Variants in GALNT1 observed in about 807,000 individuals in gnomAD.
The protein encoded by GALNT1 is polypeptide N-acetylgalactosaminyltransferase 1.
In GALNT1, 17 loss-of-function variants were observed where a neutral mutation model predicts 65.7. The ratio of observed to expected loss-of-function variants is 0.26; its 90% confidence interval spans 0.18 to 0.39. The LOEUF (loss-of-function observed/expected upper bound fraction) is 0.39. Among genes scored for constraint, GALNT1 ranks in the 10% least tolerant of loss-of-function variants. GALNT1 has a pLI of 1.00. For synonymous variants in GALNT1, 210 were observed against 219.7 expected (o/e 0.96, Z 0.39); for missense variants, 460 against 672.8 (o/e 0.68, Z 3.50).
chr18:35,591,262 G>A (rs1433594066), intron 1 of GALNT1, among the ~76,000 whole-genome samples: 2 of 152,194 alleles, frequency 1.3e-5, no homozygotes, highest in Non-Finnish European at 2.9e-5. Flanking sequence ...ATGCAACACT[G>A]GCAGCTTATC....
chr18:35,600,018 T>G (rs1330491798), intron 1 of GALNT1, among the ~76,000 whole-genome samples: 1 of 152,216 alleles, frequency 6.6e-6, no homozygotes, highest in Non-Finnish European at 1.5e-5. Context: ...GGGTCTTTTG[T>G]GGTTCCAATT....
At chr18:35,598,265 C>G (rs879916582) in intron 1 of GALNT1, among the ~76,000 whole-genome samples, 9 of 151,922 alleles carry the variant, frequency 5.9e-5, no homozygotes, top group Non-Finnish European at 8.8e-5. Flanking sequence ...GAACTCCTGA[C>G]CTCAGGTGAT....
At chr18:35,652,461 G>A (rs913922577) in intron 1 of GALNT1, among the ~76,000 whole-genome samples, 2 of 151,886 alleles carry the variant, frequency 1.3e-5, no homozygotes, top group African/African-American at 2.4e-5. Flanking sequence ...CGGCCACATC[G>A]TCCCCTCTGC....
chr18:35,649,832 C>T (rs1158035503), intron 1 of GALNT1, among the ~76,000 whole-genome samples: 1 of 152,098 alleles, frequency 6.6e-6, no homozygotes, highest in Non-Finnish European at 1.5e-5. Context: ...TGTTATTTCT[C>T]CATAACAATG....
At chr18:35,615,078 G>T (rs1321919298) in intron 1 of GALNT1, among the ~76,000 whole-genome samples, 1 of 152,036 alleles carries the variant, frequency 6.6e-6, no homozygotes, top group Admixed American at 6.6e-5. Context: ...AGCAGGGTAT[G>T]GTTTTGTTTG....
At chr18:35,629,030 AGAAAT>A (rs1425403469) in intron 1 of GALNT1, among the ~76,000 whole-genome samples, 5 of 152,244 alleles carry the variant, frequency 3.3e-5, no homozygotes, top group South Asian at 2.1e-4. Flanking sequence ...AAGAATAAAA[AGAAAT>A]GAACAAAGCC....
chr18:35,581,562 C>A (rs573500989), upstream of GALNT1, among the ~76,000 whole-genome samples: 1 of 56 alleles, frequency 0.018, no homozygotes, highest in Admixed American at 0.083. Context: ...CGCCGCGCGA[C>A]GAGCCCCAAG....
chr18:35,656,703 T>C (rs1244476554), intron 2 of GALNT1, among the ~76,000 whole-genome samples: 5 of 152,210 alleles, frequency 3.3e-5, no homozygotes, highest in Non-Finnish European at 5.9e-5. Context: ...GGCATGGCGC[T>C]GAAGCACTTT....
At chr18:35,683,658 G>C (rs1451065893) in intron 5 of GALNT1, 60 bp downstream of exon 5, 1 of 1,271,844 alleles carries the variant, frequency 7.9e-7, no homozygotes. Flanking sequence ...TATATGGTGA[G>C]TTGCCAAATT....
At chr18:35,622,370 A>G (rs1044903630) in intron 1 of GALNT1, among the ~76,000 whole-genome samples, 14 of 151,826 alleles carry the variant, frequency 9.2e-5, no homozygotes, top group Middle Eastern at 3.4e-3. Flanking sequence ...TCTCACCTCA[A>G]CCTCCCAAGT....
chr18:35,667,222 T>C (rs1221024338), intron 3 of GALNT1, among the ~76,000 whole-genome samples: 3 of 152,214 alleles, frequency 2.0e-5, no homozygotes, highest in African/African-American at 7.2e-5. Context: ...TTCAATATTA[T>C]GTTATCAAAT....
chr18:35,621,489 G>A (rs1409942605), intron 1 of GALNT1, among the ~76,000 whole-genome samples: 1 of 148,346 alleles, frequency 6.7e-6, no homozygotes, highest in Non-Finnish European at 1.5e-5. Flanking sequence ...ACCGCAATTG[G>A]TCTGTTGTTT....
chr18:35,665,440 A>G (rs1161963972), intron 3 of GALNT1, among the ~76,000 whole-genome samples: 3 of 152,192 alleles, frequency 2.0e-5, no homozygotes, highest in Non-Finnish European at 4.4e-5. Context: ...AAAATAGGGA[A>G]GAGAAAATTT....
chr18:35,691,676 CGT>C (rs1379941514), intron 8 of GALNT1, among the ~76,000 whole-genome samples: 1 of 152,184 alleles, frequency 6.6e-6, no homozygotes, highest in East Asian at 1.9e-4. Flanking sequence ...GAGCCCAAAA[CGT>C]GCCACAGGGC....
At chr18:35,636,783 GT>G (rs58909585) in intron 1 of GALNT1, among the ~76,000 whole-genome samples, 9,494 of 64,164 alleles carry the variant, frequency 0.15, 325 homozygotes, top group African/African-American at 0.22. Context: ...ATACTACTTT[GT>G]TTTTTTTTTT....
chr18:35,591,972 A>G (rs993408893), intron 1 of GALNT1, among the ~76,000 whole-genome samples: 1 of 152,248 alleles, frequency 6.6e-6, no homozygotes, highest in African/African-American at 2.4e-5. Flanking sequence ...GTGTCTTGGT[A>G]CATATCCAGT....
intron 11 of GALNT1, among the ~76,000 whole-genome samples, chr18:35,709,008 C>T (rs572225402): frequency 1.3e-4 from 20 of 152,298 alleles, no homozygotes; most frequent in African/African-American, 4.6e-4. Flanking sequence ...CACACCATCT[C>T]CTTTAACCAC....
At chr18:35,645,002 A>AT (rs1396322904) in intron 1 of GALNT1, among the ~76,000 whole-genome samples, 2 of 151,914 alleles carry the variant, frequency 1.3e-5, no homozygotes, top group African/African-American at 4.8e-5. Flanking sequence ...AAATAAATAA[A>AT]TAAGTAAATG....
At chr18:35,621,868 C>T (rs887439922) in intron 1 of GALNT1, among the ~76,000 whole-genome samples, 4 of 152,142 alleles carry the variant, frequency 2.6e-5, no homozygotes, top group Admixed American at 2.6e-4. Flanking sequence ...AGTGCCATCT[C>T]TGTCATATAT....
Sources: gnomAD v4.1 joint callset for allele counts (sites outside exome capture counted in the v4.1 genomes callset) on GRCh38, gnomAD v4.1.1 for gene constraint, MANE v1.5 for transcripts, NCBI Gene and HGNC (gene_info 2026-07-23, HGNC 2026-07-21) for gene names.